Variants in NCAM2 observed in about 807,000 individuals in gnomAD.
NCAM2 encodes neural cell adhesion molecule 2, also known as N-CAM-2.
NCAM2 carries 30 observed loss-of-function variants against 98.1 expected under a neutral mutation model. That is an observed-to-expected ratio of 0.31 (90% CI 0.23 to 0.41). The LOEUF (loss-of-function observed/expected upper bound fraction) is 0.41. Among genes scored for constraint, NCAM2 ranks in the 10% least tolerant of loss-of-function variants. The probability of loss-of-function intolerance (pLI) is 1.00; values close to 1 mark genes in which losing one functional copy is unlikely to be tolerated. For missense variants in NCAM2, 867 were observed against 1,005.8 expected (o/e 0.86, Z 1.87); for synonymous variants, 368 against 342.4 (o/e 1.07, Z -0.83).
At chr21:21,062,558 A>C (rs548695303) in intron 1 of NCAM2, among the ~76,000 whole-genome samples, 1 of 152,294 alleles carries the variant, frequency 6.6e-6, no homozygotes, top group South Asian at 2.1e-4. Context: ...ATAAGGAGCT[A>C]ACGCTACCGA....
At chr21:21,255,166 A>T (rs2147310105) in intron 1 of NCAM2, among the ~76,000 whole-genome samples, 1 of 152,220 alleles carries the variant, frequency 6.6e-6, no homozygotes, top group Admixed American at 6.5e-5. Context: ...GTAGCCCTTT[A>T]TGTCTTGTAG....
At chr21:21,470,876 C>T (rs1269412677) in intron 14 of NCAM2, among the ~76,000 whole-genome samples, 1 of 151,946 alleles carries the variant, frequency 6.6e-6, no homozygotes, top group African/African-American at 2.4e-5. Flanking sequence ...AATTTAGGCA[C>T]CTATGGCAAA....
chr21:21,042,069 A>G (rs1389565734), intron 1 of NCAM2, among the ~76,000 whole-genome samples: 1 of 152,218 alleles, frequency 6.6e-6, no homozygotes. Context: ...TATAACACAT[A>G]TACAAAGGCA....
At chr21:21,098,386 T>C (rs1262155832) in intron 1 of NCAM2, among the ~76,000 whole-genome samples, 2 of 151,796 alleles carry the variant, frequency 1.3e-5, no homozygotes, top group African/African-American at 4.8e-5. Flanking sequence ...AATAGAATAG[T>C]TTTGTTACGT....
intron 1 of NCAM2, among the ~76,000 whole-genome samples, chr21:21,148,857 T>C (rs2067365413): frequency 6.6e-6 from 1 of 152,152 alleles, no homozygotes; most frequent in Non-Finnish European, 1.5e-5. Flanking sequence ...ATAGTGTCAG[T>C]CTAAAGTTGT....
At chr21:21,390,288 A>G (rs966728181) in intron 9 of NCAM2, among the ~76,000 whole-genome samples, 4 of 152,098 alleles carry the variant, frequency 2.6e-5, no homozygotes, top group African/African-American at 9.7e-5. Flanking sequence ...AACATTGCAT[A>G]GGTGGCTCCC....
chr21:21,198,753 T>G (rs546154642), intron 1 of NCAM2, among the ~76,000 whole-genome samples: 65 of 152,290 alleles, frequency 4.3e-4, no homozygotes, highest in African/African-American at 1.5e-3. Flanking sequence ...TTGTCTACAG[T>G]ACACCCTTCA....
intron 1 of NCAM2, among the ~76,000 whole-genome samples, chr21:21,259,766 G>A (rs1210811664): frequency 6.6e-6 from 1 of 151,998 alleles, no homozygotes; most frequent in Non-Finnish European, 1.5e-5. Flanking sequence ...CAGCACAGAA[G>A]CTGTCCACAA....
chr21:21,198,228 G>A (rs11909796), intron 1 of NCAM2, among the ~76,000 whole-genome samples: 1,981 of 130,788 alleles, frequency 0.015, 51 homozygotes, highest in African/African-American at 0.053. Flanking sequence ...GTGTGTGTGT[G>A]TATTCATTTG....
At chr21:21,262,434 C>A (rs1601799550) in intron 1 of NCAM2, among the ~76,000 whole-genome samples, 3 of 152,126 alleles carry the variant, frequency 2.0e-5, no homozygotes, top group Admixed American at 2.0e-4. Context: ...GCTAATATCC[C>A]TGATGAATAT....
At chr21:21,422,139 A>T (rs1014529018) in intron 11 of NCAM2, among the ~76,000 whole-genome samples, 1 of 152,136 alleles carries the variant, frequency 6.6e-6, no homozygotes, top group African/African-American at 2.4e-5. Context: ...AAGAGTGCCC[A>T]CTTGCCAAGA....
At position 21,125,961 on chromosome 21, in the gene NCAM2, T is replaced by A. The variant is rs541972496; in HGVS notation, c.55+127343T>A. On this transcript the variant is annotated intron_variant, in intron 1 of 17. Transcript: ENST00000400546. ...TATGTAATTTAACCAACCAAAATTA[T>A]CTGCAAAACTGTTGCTTTAGTATTT... Among the ~76,000 whole-genome samples the A allele has an allele frequency of 1.1e-4, 16 of 151,702 alleles. No homozygotes were observed. In the South Asian group the frequency reaches 3.1e-3, roughly 29 times the overall value.
chr21:21,515,773 G>A (rs547581966), intron 16 of NCAM2, among the ~76,000 whole-genome samples: 62 of 152,146 alleles, frequency 4.1e-4, no homozygotes, highest in African/African-American at 1.3e-3. Context: ...GCTTAAACCC[G>A]TGTAAAGTAC....
At chr21:21,135,461 G>T (rs1267661108) in intron 1 of NCAM2, among the ~76,000 whole-genome samples, 1 of 152,114 alleles carries the variant, frequency 6.6e-6, no homozygotes, top group African/African-American at 2.4e-5. Context: ...TCGAGTTTTT[G>T]CTCTGAAACA....
intron 1 of NCAM2, among the ~76,000 whole-genome samples, chr21:21,040,813 C>T (rs1386646037): frequency 6.6e-6 from 1 of 151,998 alleles, no homozygotes; most frequent in Admixed American, 6.6e-5. Context: ...CTAATGGCTA[C>T]AAAATTACAG....
chr21:21,076,188 A>T (rs1261680528), intron 1 of NCAM2, among the ~76,000 whole-genome samples: 3 of 152,122 alleles, frequency 2.0e-5, no homozygotes, highest in African/African-American at 7.2e-5. Context: ...AATTTATATT[A>T]TAAGGGAAAT....
intron 6 of NCAM2, among the ~76,000 whole-genome samples, chr21:21,324,807 T>C (rs1358091164): frequency 2.0e-5 from 3 of 152,118 alleles, no homozygotes; most frequent in Non-Finnish European, 4.4e-5. Flanking sequence ...TTTATTATCA[T>C]TACAATTTAT....
chr21:21,426,438 A>G (rs2077215553), intron 11 of NCAM2, among the ~76,000 whole-genome samples: 1 of 152,174 alleles, frequency 6.6e-6, no homozygotes, highest in African/African-American at 2.4e-5. Context: ...GAAATCAAGC[A>G]GAAACTGATT....
intron 12 of NCAM2, among the ~76,000 whole-genome samples, chr21:21,435,690 CA>C (rs1412228696): frequency 1.3e-5 from 2 of 152,134 alleles, no homozygotes; most frequent in African/African-American, 4.8e-5. Flanking sequence ...ACTACAGAAA[CA>C]TGCCCGCTAC....
Sources: allele counts gnomAD v4.1 joint callset (sites outside exome capture counted in the v4.1 genomes callset), GRCh38; gene constraint gnomAD v4.1.1; transcripts MANE v1.5; gene names NCBI Gene and HGNC (gene_info 2026-07-23, HGNC 2026-07-21).